CDH13: variants seen among roughly 807,000 people sequenced by gnomAD.
CDH13 encodes cadherin 13.
A neutral mutation model predicts 63.8 loss-of-function variants in CDH13; 24 were observed. The observed-to-expected ratio is 0.38, with a 90% confidence interval of 0.27 to 0.53. CDH13 has a LOEUF of 0.53. Ranked by LOEUF, CDH13 falls within the 20% of genes least tolerant of loss-of-function variation. CDH13 has a pLI of 0.85. For missense variants in CDH13, 1,049 were observed against 903.1 expected (o/e 1.16, Z -2.07); for synonymous variants, 503 against 355.3 (o/e 1.42, Z -4.67).
chr16:83,193,198 C>T (rs1350923482), intron 4 of CDH13, among the ~76,000 whole-genome samples: 2 of 151,582 alleles, frequency 1.3e-5, no homozygotes, highest in African/African-American at 4.9e-5. Flanking sequence ...AGCTATGTGG[C>T]TTCTAGATAC....
At chr16:83,132,157 C>T (rs773506696) in intron 4 of CDH13, among the ~76,000 whole-genome samples, 12 of 152,210 alleles carry the variant, frequency 7.9e-5, no homozygotes, top group South Asian at 6.2e-4. Context: ...TGAAGACCCA[C>T]GAAGACCAAG....
intron 1 of CDH13, among the ~76,000 whole-genome samples, chr16:82,672,925 C>G (rs1913440668): frequency 6.6e-6 from 1 of 151,598 alleles, no homozygotes; most frequent in African/African-American, 2.4e-5. Context: ...AATCTTCCTT[C>G]TGCCTCAGCC....
chr16:83,335,199 C>A (rs2090567195), intron 5 of CDH13, among the ~76,000 whole-genome samples: 1 of 152,128 alleles, frequency 6.6e-6, no homozygotes, highest in African/African-American at 2.4e-5. Flanking sequence ...AAGCTTTGAA[C>A]ATCTCTGTGG....
At chr16:82,908,214 T>C (rs895644297) in intron 2 of CDH13, among the ~76,000 whole-genome samples, 3 of 152,120 alleles carry the variant, frequency 2.0e-5, no homozygotes, top group Non-Finnish European at 4.4e-5. Flanking sequence ...CCACAGGATA[T>C]TGTCCCATGA....
At chr16:82,841,605 G>A (rs2039013044) in intron 1 of CDH13, among the ~76,000 whole-genome samples, 1 of 152,136 alleles carries the variant, frequency 6.6e-6, no homozygotes, top group African/African-American at 2.4e-5. Context: ...CAAAATTGTG[G>A]TGGCCCATTT....
In CDH13 at chr16:83,047,699, T is replaced by G. The variant is rs977760618; in HGVS notation, c.366+15481T>G. On this transcript the variant is annotated intron_variant, in intron 3 of 13. Transcript: ENST00000567109. This position sits in a 1 kb window ranked among gnomAD's most constrained non-coding sequence, Gnocchi z 4.9. ...CAATATCTGGCTGTGAATAAATAAT[T>G]TCTTAATGACTTAGCAAATGCTGGA... Among the ~76,000 whole-genome samples, 7 of 152,224 alleles carry G rather than the reference T, an allele frequency of 4.6e-5. No homozygotes were observed. Among genetic ancestry groups the G allele is most frequent in the African/African-American group, 1.7e-4 (7 of 41,464 alleles).
At chr16:83,416,047 A>T (rs578247223) in intron 6 of CDH13, among the ~76,000 whole-genome samples, 150 of 152,360 alleles carry the variant, frequency 9.8e-4, no homozygotes, top group Non-Finnish European at 1.7e-3. Flanking sequence ...TGAATTTAGT[A>T]AATTTGTGGG....
At chr16:82,702,242 A>G (rs1387895645) in intron 1 of CDH13, among the ~76,000 whole-genome samples, 1 of 152,038 alleles carries the variant, frequency 6.6e-6, no homozygotes, top group Non-Finnish European at 1.5e-5. Flanking sequence ...AATGCCTTCC[A>G]CCCCAAAAAG....
At chr16:83,665,298 C>A (rs1473149944) in intron 8 of CDH13, among the ~76,000 whole-genome samples, 2 of 152,170 alleles carry the variant, frequency 1.3e-5, no homozygotes, top group African/African-American at 4.8e-5. Context: ...TCTCCAATTT[C>A]TTAGTAAGAA....
chr16:82,652,520 A>T (rs1278242852), intron 1 of CDH13, among the ~76,000 whole-genome samples: 1 of 152,196 alleles, frequency 6.6e-6, no homozygotes, highest in Admixed American at 6.5e-5. Flanking sequence ...ATATGATTAC[A>T]GCCCATACTT....
At chr16:82,889,185 G>C (rs1464291242) in intron 2 of CDH13, among the ~76,000 whole-genome samples, 1 of 152,054 alleles carries the variant, frequency 6.6e-6, no homozygotes, top group East Asian at 1.9e-4. Flanking sequence ...ATACCCCCTT[G>C]AATGTTTTAA....
chr16:83,055,152 A>G (rs2030785491), intron 3 of CDH13, among the ~76,000 whole-genome samples: 1 of 152,126 alleles, frequency 6.6e-6, no homozygotes, highest in African/African-American at 2.4e-5. Context: ...TAATGGAAAT[A>G]CAACATAACA....
chr16:83,780,903 G>GA (rs1915474009), intron 12 of CDH13, among the ~76,000 whole-genome samples: 1 of 152,080 alleles, frequency 6.6e-6, no homozygotes, highest in African/African-American at 2.4e-5. Flanking sequence ...CATTGGAGAG[G>GA]CTTTTCGTGG....
At chr16:83,589,364 C>G in intron 7 of CDH13, among the ~76,000 whole-genome samples, 1 of 145,936 alleles carries the variant, frequency 6.9e-6, no homozygotes, top group Non-Finnish European at 1.5e-5. Context: ...CTCCCTTGCC[C>G]TCTCCCTCTC....
At chr16:83,654,484 G>C (rs577033542) in intron 8 of CDH13, among the ~76,000 whole-genome samples, 162 of 152,168 alleles carry the variant, frequency 1.1e-3, no homozygotes, top group African/African-American at 3.8e-3. Context: ...CAACAAGGCA[G>C]CTTTGCAAGA....
At chr16:83,326,539 A>G (rs1056822098) in intron 5 of CDH13, among the ~76,000 whole-genome samples, 4 of 152,068 alleles carry the variant, frequency 2.6e-5, no homozygotes, top group Admixed American at 6.6e-5. Context: ...GTTCAACCGA[A>G]CAAAATTCAG....
intron 4 of CDH13, among the ~76,000 whole-genome samples, chr16:83,152,499 G>A (rs1890729481): frequency 6.6e-6 from 1 of 152,076 alleles, no homozygotes; most frequent in Admixed American, 6.5e-5. Flanking sequence ...GGTACTTAAA[G>A]GTGATTCCTT....
intron 5 of CDH13, among the ~76,000 whole-genome samples, chr16:83,276,546 G>C (rs987520666): frequency 6.6e-6 from 1 of 152,164 alleles, no homozygotes; most frequent in Non-Finnish European, 1.5e-5. Context: ...TGGCTGGGGA[G>C]GCCTCACAGT....
At position 83,271,422 on chromosome 16, in the gene CDH13, T is replaced by TTAAAAAAAAAAAAAAAAAAAAAAAA. The variant is rs1555522986; in HGVS notation, c.636+53925_636+53926insTAAAAAAAAAAAAAAAAAAAAAAAA. Among the ~76,000 whole-genome samples the TTAAAAAAAAAAAAAAAAAAAAAAAA allele has an allele frequency of 7.7e-4, 20 of 26,032 alleles. 3 individuals are homozygous for TTAAAAAAAAAAAAAAAAAAAAAAAA. Among genetic ancestry groups the TTAAAAAAAAAAAAAAAAAAAAAAAA allele is most frequent in the Non-Finnish European group, 8.5e-4 (12 of 14,146 alleles). The allele number at this position is 26,032 out of a possible 152,430, so 17.1% of individuals were successfully genotyped here. ...CTACCGCACATTGAGGCAGAGTTCA[T>TTAAAAAAAAAAAAAAAAAAAAAAAA]AAAAAAAAAAAAAAAAAAAAAAAAA... On this transcript the variant is annotated intron_variant, in intron 5 of 13. Coordinates refer to ENST00000567109, the MANE Select transcript of CDH13 (RefSeq NM_001257.5).
Sources: allele counts gnomAD v4.1 joint callset (sites outside exome capture counted in the v4.1 genomes callset), GRCh38; gene constraint gnomAD v4.1.1; non-coding constraint Gnocchi (gnomAD v3.1); transcripts MANE v1.5; gene names NCBI Gene and HGNC (gene_info 2026-07-23, HGNC 2026-07-21).